LSAMP: variants seen among roughly 807,000 people sequenced by gnomAD.
The protein encoded by LSAMP is limbic system-associated membrane protein.
LSAMP carries 7 observed loss-of-function variants against 38.6 expected under a neutral mutation model. The observed-to-expected ratio is 0.18, with a 90% confidence interval of 0.10 to 0.34. The LOEUF (loss-of-function observed/expected upper bound fraction) is 0.34, where lower values mean the gene tolerates loss of function less well. LSAMP is among the 10% of genes least tolerant of loss of function. The probability of loss-of-function intolerance (pLI) is 1.00; values close to 1 mark genes in which losing one functional copy is unlikely to be tolerated. For synonymous variants in LSAMP, 154 were observed against 166.8 expected, an observed-to-expected ratio of 0.92 and a Z score of 0.59; for missense variants, 313 against 420.0, an observed-to-expected ratio of 0.75 and a Z score of 2.23.
At chr3:116,023,318 G>C (rs1383171995) in intron 2 of LSAMP, among the ~76,000 whole-genome samples, 1 of 151,956 alleles carries the variant, frequency 6.6e-6, no homozygotes, top group Non-Finnish European at 1.5e-5. Flanking sequence ...GTTTCGGCCA[G>C]GTACGGTGGC....
chr3:116,389,326 A>G (rs903184060), intron 1 of LSAMP, among the ~76,000 whole-genome samples: 2 of 152,190 alleles, frequency 1.3e-5, no homozygotes, highest in Non-Finnish European at 2.9e-5. Context: ...TCTGTATGGG[A>G]GAGTCGTGTT....
intron 2 of LSAMP, among the ~76,000 whole-genome samples, chr3:116,024,618 T>C (rs1175020943): frequency 6.6e-6 from 1 of 152,132 alleles, no homozygotes; most frequent in Non-Finnish European, 1.5e-5. Flanking sequence ...AATAGATAGA[T>C]AGATACAGAT....
At chr3:115,821,569 T>C (rs965818879) in intron 6 of LSAMP, among the ~76,000 whole-genome samples, 1 of 152,206 alleles carries the variant, frequency 6.6e-6, no homozygotes, top group African/African-American at 2.4e-5. Flanking sequence ...TCTATGTGTG[T>C]GACATAAGTC....
rs574553822 is a variant in LSAMP, at chr3:116,240,316, A to G, written c.156-153760T>C. Reference sequence around the variant, plus strand: ...CAGACTTTAGTGAGAAAACCATGTCAGTGGACCTGGATCTGCAGCTTTGTG... The same window carrying G: ...CAGACTTTAGTGAGAAAACCATGTCGGTGGACCTGGATCTGCAGCTTTGTG... On this transcript the variant is annotated intron_variant, in intron 1 of 6. Coordinates refer to ENST00000490035, the MANE Select transcript of LSAMP (RefSeq NM_002338.5). Among the ~76,000 whole-genome samples the G allele has an allele frequency of 2.3e-4, 35 of 152,336 alleles. 1 individual carries two copies. The highest frequency in any genetic ancestry group is 2.3e-3 in the Admixed American group (35 of 15,308).
intron 3 of LSAMP, among the ~76,000 whole-genome samples, chr3:115,862,458 A>G (rs1935733912): frequency 6.6e-6 from 1 of 152,192 alleles, no homozygotes. Context: ...TGATGTTGCA[A>G]TGACCTCATA....
At chr3:116,164,572 AATATAT>A (rs201749997) in intron 1 of LSAMP, among the ~76,000 whole-genome samples, 29 of 102,328 alleles carry the variant, frequency 2.8e-4, no homozygotes, top group African/African-American at 7.1e-4. Context: ...CACTAATCCA[AATATAT>A]ATATATATAT....
At chr3:116,429,118 A>T (rs902958513) in intron 1 of LSAMP, among the ~76,000 whole-genome samples, 5 of 152,254 alleles carry the variant, frequency 3.3e-5, no homozygotes, top group Non-Finnish European at 2.9e-5. Flanking sequence ...CTGTGCATAA[A>T]TGCTTCTTTC....
chr3:116,009,123 T>C lies in LSAMP; in HGVS notation c.514+10392A>G, dbSNP rs190238756. ...ACAGAAAAATTGAAAATATAAAACATTGTAATAATATTCGGTGAGTACTAC... is the reference window on the plus strand; with the variant it reads ...ACAGAAAAATTGAAAATATAAAACACTGTAATAATATTCGGTGAGTACTAC... On this transcript the variant is annotated intron_variant, in intron 3 of 6. Coordinates refer to ENST00000490035, the MANE Select transcript of LSAMP (RefSeq NM_002338.5). Among the ~76,000 whole-genome samples the C allele has an allele frequency of 8.5e-5, 13 of 152,290 alleles. No homozygotes were observed. In the East Asian group the frequency reaches 2.3e-3, roughly 27 times the overall value.
chr3:116,082,559 T>G (rs1174826831), intron 2 of LSAMP, among the ~76,000 whole-genome samples: 1 of 152,204 alleles, frequency 6.6e-6, no homozygotes, highest in Admixed American at 6.5e-5. Context: ...AATGCTAGTT[T>G]AAGAAGCTCT....
chr3:116,184,188 C>T (rs1325369569), intron 1 of LSAMP, among the ~76,000 whole-genome samples: 1 of 151,780 alleles, frequency 6.6e-6, no homozygotes, highest in African/African-American at 2.4e-5. Context: ...TTATCATCAT[C>T]GTTATAGCTA....
At chr3:116,242,831 A>ATAGC (rs1186878713) in intron 1 of LSAMP, among the ~76,000 whole-genome samples, 63 of 70,198 alleles carry the variant, frequency 9.0e-4, no homozygotes, top group Non-Finnish European at 2.4e-3. Flanking sequence ...TACCTGCCTC[A>ATAGC]TAGATAGAAG....
At position 116,263,340 on chromosome 3, in the gene LSAMP, C is replaced by A. The variant is rs952369059; in HGVS notation, c.156-176784G>T. ...ATCACCTGAGGTTAGGAGTTGGAGA[C>A]CAGCCTGGCCAACATGGTGAAACCC... On this transcript the variant is annotated intron_variant, in intron 1 of 6. Coordinates refer to ENST00000490035, the MANE Select transcript of LSAMP (RefSeq NM_002338.5). Among the ~76,000 whole-genome samples the A allele has an allele frequency of 2.6e-5, 4 of 151,968 alleles. No homozygotes were observed. In the South Asian group the frequency reaches 6.2e-4, roughly 24 times the overall value.
intron 3 of LSAMP, among the ~76,000 whole-genome samples, chr3:115,911,166 G>T (rs140482522): frequency 3.3e-5 from 5 of 152,198 alleles, no homozygotes; most frequent in African/African-American, 1.2e-4. Context: ...TATATATAAA[G>T]CATTTTACAC....
intron 1 of LSAMP, among the ~76,000 whole-genome samples, chr3:116,273,355 T>A (rs1274074025): frequency 1.3e-5 from 2 of 151,874 alleles, no homozygotes; most frequent in African/African-American, 4.8e-5. Flanking sequence ...CCTGCCTCCA[T>A]CTTAATAGAA....
At chr3:115,889,298 G>A (rs939587349) in intron 3 of LSAMP, among the ~76,000 whole-genome samples, 3 of 151,926 alleles carry the variant, frequency 2.0e-5, no homozygotes, top group Admixed American at 6.6e-5. Context: ...TAATCTAAAT[G>A]CGCTTATGCT....
chr3:116,255,387 C>T (rs920059640), intron 1 of LSAMP, among the ~76,000 whole-genome samples: 1 of 152,186 alleles, frequency 6.6e-6, no homozygotes, highest in Non-Finnish European at 1.5e-5. Flanking sequence ...AAGTTTGCTA[C>T]AGCTTAAAAG....
At chr3:115,906,331 A>G (rs1055952347) in intron 3 of LSAMP, among the ~76,000 whole-genome samples, 1 of 152,104 alleles carries the variant, frequency 6.6e-6, no homozygotes, top group African/African-American at 2.4e-5. Flanking sequence ...ATTTCCCCTC[A>G]GTTCTTTTTT....
intron 1 of LSAMP, among the ~76,000 whole-genome samples, chr3:116,185,965 C>T (rs915810881): frequency 2.0e-5 from 3 of 150,944 alleles, no homozygotes; most frequent in African/African-American, 7.3e-5. Flanking sequence ...GGAAGGAAAT[C>T]AAAGGCTGCA....
intron 1 of LSAMP, among the ~76,000 whole-genome samples, chr3:116,268,578 T>TATCA (rs1218305012): frequency 5.4e-4 from 82 of 152,272 alleles, no homozygotes; most frequent in Non-Finnish European, 9.4e-4. Flanking sequence ...GAGAAAGAAC[T>TATCA]ATCACTTTTT....
Sources: gnomAD v4.1 joint callset for allele counts (sites outside exome capture counted in the v4.1 genomes callset) on GRCh38, gnomAD v4.1.1 for gene constraint, MANE v1.5 for transcripts, NCBI Gene and HGNC (gene_info 2026-07-23, HGNC 2026-07-21) for gene names.